The following GMEB2 variants were observed in gnomAD, a reference collection of about 807,000 sequenced individuals.
GMEB2 encodes the protein glucocorticoid modulatory element-binding protein 2.
A neutral mutation model predicts 45.7 loss-of-function variants in GMEB2; 7 were observed. The observed-to-expected ratio is 0.15, with a 90% confidence interval of 0.09 to 0.29. The LOEUF is 0.29. Among genes scored for constraint, GMEB2 ranks in the 10% least tolerant of loss-of-function variants. The pLI is 1.00. For missense variants in GMEB2, 582 were observed against 739.2 expected (o/e 0.79, Z 2.47); for synonymous variants, 322 against 323.6 (o/e 1.00, Z 0.05).
In GMEB2 at chr20:63,592,434, C is replaced by T. The variant is rs1360328261; in HGVS notation, c.829+99G>A. On this transcript the variant is annotated intron_variant, in intron 8 of 9. Coordinates refer to ENST00000370077, the MANE Select transcript of GMEB2 (RefSeq NM_012384.5). The surrounding 1 kb of genome is among the most constrained non-coding windows in gnomAD (Gnocchi z 8.2). ...AGCCTAGATTCAGCCTCCAACCCAGCAGCACAGAAGGGCCTAGGGGCAGGA... is the reference window on the plus strand; with the variant it reads ...AGCCTAGATTCAGCCTCCAACCCAGTAGCACAGAAGGGCCTAGGGGCAGGA... 2 of 909,476 alleles carry T rather than the reference C, an allele frequency of 2.2e-6. No homozygotes were observed. The highest frequency in any genetic ancestry group is 1.7e-5 in the African/African-American group (1 of 59,864). The allele number at this position is 909,476 out of a possible 1,614,324, so 56.3% of individuals were successfully genotyped here. A position where few individuals can be genotyped will look rare whatever the true frequency, so the allele number is the denominator to read the frequency against.
intron 1 of GMEB2, among the ~76,000 whole-genome samples, chr20:63,621,025 GA>G (rs2089639657): frequency 6.6e-6 from 1 of 152,078 alleles, no homozygotes; most frequent in African/African-American, 2.4e-5. Context: ...TAACCAAACA[GA>G]AATGTGAAAA....
intron 2 of GMEB2, among the ~76,000 whole-genome samples, chr20:63,617,268 G>A (rs1230053924): frequency 6.6e-6 from 1 of 152,046 alleles, no homozygotes; most frequent in Non-Finnish European, 1.5e-5. Flanking sequence ...GAGCCACCGC[G>A]CCTGGCCGAC....
At position 63,604,361 on chromosome 20, in the gene GMEB2, G is replaced by A. The variant is rs547258390; in HGVS notation, c.229+382C>T. Among the ~76,000 whole-genome samples, 20 of 152,326 alleles carry A rather than the reference G, an allele frequency of 1.3e-4. 1 individual carries two copies. In the South Asian group the frequency reaches 3.9e-3, roughly 30 times the overall value. ...CCACTGCACTCTAGCCTGGGCAACA[G>A]AACAAGACCCTGTCTCAAAAAACAA... On this transcript the variant is annotated intron_variant, in intron 3 of 9. Coordinates refer to ENST00000370077, the MANE Select transcript of GMEB2 (RefSeq NM_012384.5).
In GMEB2 at chr20:63,590,526, G is replaced by T. The variant is rs2083136923; in HGVS notation, c.1156C>A (p.Pro386Thr). The T allele has an allele frequency of 6.6e-7, 1 of 1,520,202 alleles. No individual in the cohort carries two copies. The highest frequency in any genetic ancestry group is 1.4e-5 in the African/African-American group (1 of 72,932). The allele number at this position is 1,520,202 out of a possible 1,614,324, so 94.2% of individuals were successfully genotyped here. The change falls in exon 10 of 10, where the codon CCG (proline) becomes ACG (threonine). Residue 386 changes from proline (P) to threonine (T), a missense_variant. By Grantham distance (38) the Pro-to-Thr change is conservative. Transcript: ENST00000370077. ...LTQSAQLALG[P>T]GVPVPQLTSV... is the part of the protein sequence containing the mutation. ...GTCAGCTGGGGGACGGGCACGCCCG[G>T]GCCAAGCGCCAGCTGGGCAGACTGG...
rs1376861190 is a variant in GMEB2, at chr20:63,590,152, C to A, written c.1530G>T (p.Gly510=). The change falls in exon 10 of 10, where the codon GGG becomes GGT. Residue 510 remains glycine (G), a synonymous_variant. Coordinates refer to ENST00000370077, the MANE Select transcript of GMEB2 (RefSeq NM_012384.5). ...IVTVPAGAAP[G]PEEHTATIEV... is the part of the protein sequence containing the mutation. Reference sequence around the variant, plus strand: ...CAATGGTGGCCGTGTGCTCCTCAGGCCCGGGGGCAGCCCCTGCGGGCACTG... The same window carrying A: ...CAATGGTGGCCGTGTGCTCCTCAGGACCGGGGGCAGCCCCTGCGGGCACTG... 3 of 1,575,610 alleles carry A rather than the reference C, an allele frequency of 1.9e-6. No homozygotes were observed. The highest frequency in any genetic ancestry group is 4.5e-5 in the East Asian group (2 of 44,240).
intron 4 of GMEB2, among the ~76,000 whole-genome samples, chr20:63,598,097 G>A (rs187469189): frequency 3.1e-3 from 473 of 152,328 alleles, no homozygotes; most frequent in Non-Finnish European, 5.4e-3. Context: ...GCTGCTGTGT[G>A]CCTGGGGCTA....
At chr20:63,600,546 C>A (rs1188302905) in intron 4 of GMEB2, among the ~76,000 whole-genome samples, 1 of 151,164 alleles carries the variant, frequency 6.6e-6, no homozygotes. Flanking sequence ...GGCAAAACCC[C>A]ATCTCTACTA....
rs2083155142 is a variant in GMEB2, at chr20:63,592,439, C to T, written c.829+94G>A. 2.1e-6 allele frequency: 2 copies of T among 968,946 alleles called. No individual in the cohort carries two copies. Among genetic ancestry groups the T allele is most frequent in the Non-Finnish European group, 3.1e-6 (2 of 644,926 alleles). The allele number at this position is 968,946 out of a possible 1,614,324, so 60.0% of individuals were successfully genotyped here. ...AGATTCAGCCTCCAACCCAGCAGCA[C>T]AGAAGGGCCTAGGGGCAGGAGGGCC... is the stretch of plus-strand genomic sequence containing the variant. On this transcript the variant is annotated intron_variant, in intron 8 of 9. Coordinates refer to ENST00000370077, the MANE Select transcript of GMEB2 (RefSeq NM_012384.5). The surrounding 1 kb of genome is among the most constrained non-coding windows in gnomAD (Gnocchi z 8.2).
At chr20:63,626,341 G>C (rs1272557639) in intron 1 of GMEB2, among the ~76,000 whole-genome samples, 8 of 148,946 alleles carry the variant, frequency 5.4e-5, no homozygotes, top group African/African-American at 1.2e-4. Flanking sequence ...GGGTGCCTGC[G>C]GGGTGGCCCC....
intron 2 of GMEB2, among the ~76,000 whole-genome samples, chr20:63,615,830 G>A (rs186003547): frequency 1.6e-4 from 25 of 152,228 alleles, no homozygotes; most frequent in Non-Finnish European, 1.2e-4. Flanking sequence ...TTCATCCAGC[G>A]GAACATGAGG....
At chr20:63,606,190 A>G (rs548384379) in intron 2 of GMEB2, among the ~76,000 whole-genome samples, 178 of 152,336 alleles carry the variant, frequency 1.2e-3, no homozygotes, top group Non-Finnish European at 1.9e-3. Flanking sequence ...ATGAAACCAT[A>G]AAAGTATTAG....
At chr20:63,603,268 G>C (rs1434225083) in intron 3 of GMEB2, among the ~76,000 whole-genome samples, 176 bp from the exon 4 acceptor site, 2 of 152,120 alleles carry the variant, frequency 1.3e-5, no homozygotes, top group African/African-American at 2.4e-5. Context: ...TGCCATTAGA[G>C]TTTCAGGGTT....
At chr20:63,610,361 A>C (rs113048611) in intron 2 of GMEB2, among the ~76,000 whole-genome samples, 1 of 152,054 alleles carries the variant, frequency 6.6e-6, no homozygotes, top group Non-Finnish European at 1.5e-5. Context: ...CTCTACTAAA[A>C]ATACAAAAAA....
rs752631753 is a variant in GMEB2, at chr20:63,619,385, C to T, written c.13G>A (p.Asp5Asn). Residue 5 changes from aspartate (D) to asparagine (N), a missense_variant, in exon 2 of 10, where the codon GAC (aspartate) becomes AAC (asparagine). Physicochemically the swap from Asp to Asn is conservative, Grantham distance 23. Transcript: ENST00000370077. The surrounding 1 kb of genome is among the most constrained non-coding windows in gnomAD (Gnocchi z 4.6). ...ACCTCCTCCATGTGCACACTCACGT[C>T]GGGAGTCGCCATGGCTCAGCGGAAG... MATPDVSVHMEEVVV... is the reference protein window; with the variant it reads MATPNVSVHMEEVVV... 4.3e-6 allele frequency: 7 copies of T among 1,611,424 alleles called. No individual in the cohort carries two copies. The Admixed American group carries it at 5.0e-5, about 12-fold the overall frequency.
intron 5 of GMEB2, among the ~76,000 whole-genome samples, chr20:63,596,746 G>A (rs772147842): frequency 1.3e-5 from 2 of 152,238 alleles, no homozygotes; most frequent in East Asian, 1.9e-4. Context: ...GGCCGGGCAC[G>A]GTGGCTCATG....
rs1007273165 is a variant in GMEB2, at chr20:63,592,307, T to A, written c.830-163A>T. On this transcript the variant is annotated intron_variant, in intron 8 of 9. Transcript: ENST00000370077. This position sits in a 1 kb window ranked among gnomAD's most constrained non-coding sequence, Gnocchi z 8.2. Reference sequence around the variant, plus strand: ...AGAACACCACCACTGAGGCTGCTCCTCAGGAACCCAGCCAGCCAGGAGCTC... The same window carrying A: ...AGAACACCACCACTGAGGCTGCTCCACAGGAACCCAGCCAGCCAGGAGCTC... 1.3e-5 allele frequency among the ~76,000 whole-genome samples: 2 copies of A among 152,028 alleles called. No homozygotes were observed. The highest frequency in any genetic ancestry group is 4.8e-5 in the African/African-American group (2 of 41,378).
At chr20:63,594,950 T>TGTTG (rs2083181358) in intron 6 of GMEB2, among the ~76,000 whole-genome samples, 1 of 152,176 alleles carries the variant, frequency 6.6e-6, no homozygotes, top group African/African-American at 2.4e-5. Flanking sequence ...GGTTTCATCC[T>TGTTG]GTTGGCCAGG....
chr20:63,606,977 T>C (rs994947922), intron 2 of GMEB2, among the ~76,000 whole-genome samples: 40 of 152,184 alleles, frequency 2.6e-4, no homozygotes, highest in Non-Finnish European at 5.4e-4. Context: ...AATGGAGTCG[T>C]TGGTGAGAGC....
At chr20:63,611,023 A>G (rs944037531) in intron 2 of GMEB2, among the ~76,000 whole-genome samples, 1 of 152,218 alleles carries the variant, frequency 6.6e-6, no homozygotes, top group Non-Finnish European at 1.5e-5. Flanking sequence ...CCCCCCGGCG[A>G]GGCCCAGCAG....
Sources: allele counts gnomAD v4.1 joint callset (sites outside exome capture counted in the v4.1 genomes callset), GRCh38; gene constraint gnomAD v4.1.1; non-coding constraint Gnocchi (gnomAD v3.1); transcripts MANE v1.5; gene names NCBI Gene and HGNC (gene_info 2026-07-23, HGNC 2026-07-21).